DPP6: variants seen among roughly 807,000 people sequenced by gnomAD.
DPP6 encodes the protein dipeptidyl peptidase like 6, also known as A-type potassium channel modulatory protein DPP6.
Under a neutral mutation model 122.6 loss-of-function variants are expected in DPP6, and 69 were observed. The ratio of observed to expected loss-of-function variants is 0.56; its 90% confidence interval spans 0.46 to 0.69. The LOEUF (loss-of-function observed/expected upper bound fraction) is 0.69. Ranked by LOEUF, DPP6 falls within the 30% of genes least tolerant of loss-of-function variation. The pLI is 0.00. For missense variants in DPP6, 928 were observed against 1,116.9 expected (o/e 0.83, Z 2.41); for synonymous variants, 418 against 433.1 (o/e 0.97, Z 0.43).
At position 153,966,553 on chromosome 7, in the gene DPP6, GCTTTTTTTTTTTT is replaced by G. The variant is rs1342400003; in HGVS notation, c.51+78820_51+78832del. 5.6e-3 allele frequency among the ~76,000 whole-genome samples: 321 copies of G among 57,628 alleles called. 23 individuals carry two copies. Among genetic ancestry groups the G allele is most frequent in the Admixed American group, 0.013 (48 of 3,652 alleles). The allele number at this position is 57,628 out of a possible 152,430, so 37.8% of individuals were successfully genotyped here. On this transcript the variant is annotated intron_variant, in intron 1 of 25. Coordinates refer to the DPP6 transcript ENST00000404039. ...TAATTAAACGGTCTGTCCTGTGTTGGCTTTTTTTTTTTTTTTTTTTTTTTTTTTTTTTTTACTG... is the reference window on the plus strand; with the variant it reads ...TAATTAAACGGTCTGTCCTGTGTTGGTTTTTTTTTTTTTTTTTTTTTACTG...
chr7:154,676,870 T>C (rs1308974068), intron 7 of DPP6, among the ~76,000 whole-genome samples: 1 of 152,218 alleles, frequency 6.6e-6, no homozygotes, highest in Non-Finnish European at 1.5e-5. Context: ...CAACATGGCT[T>C]ACATCTCTGT....
At chr7:154,449,176 A>G (rs1820138558) in intron 2 of DPP6, among the ~76,000 whole-genome samples, 1 of 152,198 alleles carries the variant, frequency 6.6e-6, no homozygotes, top group Non-Finnish European at 1.5e-5. Flanking sequence ...GGTATCTAGT[A>G]AAGGTCTAGT....
chr7:154,198,902 AC>A (rs1330258195), intron 1 of DPP6, among the ~76,000 whole-genome samples: 5 of 152,094 alleles, frequency 3.3e-5, no homozygotes, highest in Non-Finnish European at 1.5e-5. Flanking sequence ...GTCCATCTGA[AC>A]CCACAGCCCC....
chr7:154,260,334 G>T (rs1386781293), intron 1 of DPP6, among the ~76,000 whole-genome samples: 1 of 152,202 alleles, frequency 6.6e-6, no homozygotes, highest in African/African-American at 2.4e-5. Flanking sequence ...AACAGGTAGT[G>T]GTTGGTTACA....
At chr7:154,608,824 C>T (rs1259956923) in intron 5 of DPP6, among the ~76,000 whole-genome samples, 1 of 152,202 alleles carries the variant, frequency 6.6e-6, no homozygotes, top group Non-Finnish European at 1.5e-5. Flanking sequence ...AACTACCCCT[C>T]CCTTCTGAAT....
intron 5 of DPP6, chr7:154,588,176 C>T: frequency 1.3e-6 from 2 of 1,510,508 alleles, no homozygotes; most frequent in South Asian, 1.3e-5. Flanking sequence ...TACTGCCTTC[C>T]CCATCCTATC....
rs55681006 is a variant in DPP6 at position 154,652,405 on chromosome 7, GTTTTT to G, written c.680+14543_680+14547del. On this transcript the variant is annotated intron_variant, in intron 6 of 25. Coordinates refer to ENST00000377770, the MANE Select transcript of DPP6 (RefSeq NM_130797.4). ...CTAATTCATTATCACTAAGTCTGTGGTTTTTTTTTTTTTTTGTGATCAATATACAC... is the reference window on the plus strand; with the variant it reads ...CTAATTCATTATCACTAAGTCTGTGGTTTTTTTTTTGTGATCAATATACAC... Among the ~76,000 whole-genome samples the G allele has an allele frequency of 3.4e-4, 49 of 143,116 alleles. 1 individual carries two copies. Among genetic ancestry groups the G allele is most frequent in the South Asian group, 1.3e-3 (6 of 4,542 alleles). 93.9% of individuals were successfully genotyped at this position (143,116 alleles called of 152,430 possible). A position where few individuals can be genotyped will look rare whatever the true frequency, so the allele number is the denominator to read the frequency against.
intron 7 of DPP6, among the ~76,000 whole-genome samples, chr7:154,707,582 T>C (rs1170942180): frequency 2.0e-5 from 3 of 152,184 alleles, no homozygotes; most frequent in African/African-American, 7.2e-5. Flanking sequence ...CCGAGGGTGT[T>C]TGTGGTGTTG....
chr7:154,443,346 G>GA (rs201269949), intron 1 of DPP6, among the ~76,000 whole-genome samples: 4,746 of 142,716 alleles, frequency 0.033, 177 homozygotes, highest in East Asian at 0.11. Context: ...TAGATTACAA[G>GA]AAAAAAAATG....
intron 23 of DPP6, among the ~76,000 whole-genome samples, chr7:154,888,399 C>T (rs1806339065): frequency 6.6e-6 from 1 of 152,164 alleles, no homozygotes; most frequent in Admixed American, 6.5e-5. Context: ...CGAGAGTGAG[C>T]TCTTGACTGA....
chr7:153,907,357 A>G (rs1007058097), intron 1 of DPP6, among the ~76,000 whole-genome samples: 4 of 152,188 alleles, frequency 2.6e-5, no homozygotes, highest in South Asian at 2.1e-4. Flanking sequence ...TTGGATGCCA[A>G]ATATAAAGAG....
intron 1 of DPP6, among the ~76,000 whole-genome samples, chr7:154,346,061 C>T (rs1160721207): frequency 1.3e-5 from 2 of 152,072 alleles, no homozygotes; most frequent in Admixed American, 1.3e-4. Flanking sequence ...AGCCTTCCTC[C>T]CCACTTTCCA....
chr7:154,677,767 C>T (rs1202426991), intron 7 of DPP6, among the ~76,000 whole-genome samples: 1 of 152,210 alleles, frequency 6.6e-6, no homozygotes, highest in Non-Finnish European at 1.5e-5. Flanking sequence ...AGCCAGGAGC[C>T]AGCTGGGAGT....
the DPP6 span, among the ~76,000 whole-genome samples, chr7:153,814,681 T>C: frequency 2.6e-5 from 4 of 152,166 alleles, no homozygotes; most frequent in Non-Finnish European, 5.9e-5. Flanking sequence ...ACCAATATCC[T>C]TGATGAACAT....
chr7:154,024,482 C>G (rs896941750), intron 1 of DPP6, among the ~76,000 whole-genome samples: 2 of 151,452 alleles, frequency 1.3e-5, no homozygotes, highest in African/African-American at 4.9e-5. Flanking sequence ...CACTTCTTTT[C>G]AAATGTAGGA....
At chr7:154,117,539 CTT>C (rs1346565885) in intron 1 of DPP6, among the ~76,000 whole-genome samples, 2 of 152,192 alleles carry the variant, frequency 1.3e-5, no homozygotes, top group Non-Finnish European at 2.9e-5. Flanking sequence ...ATGCAGATTT[CTT>C]TCTCTCCCCA....
At chr7:154,253,291 T>C (rs1460730764) in intron 1 of DPP6, among the ~76,000 whole-genome samples, 1 of 152,178 alleles carries the variant, frequency 6.6e-6, no homozygotes, top group African/African-American at 2.4e-5. Context: ...CTTCACACCT[T>C]CCCTGGTAGG....
chr7:153,779,800 G>T, the DPP6 span, among the ~76,000 whole-genome samples: 1 of 138,464 alleles, frequency 7.2e-6, no homozygotes, highest in African/African-American at 2.7e-5. Flanking sequence ...AAGAACATTA[G>T]TGAAACAGCT....
chr7:154,074,080 GAGAT>G (rs1279513653), intron 1 of DPP6, among the ~76,000 whole-genome samples: 13 of 109,276 alleles, frequency 1.2e-4, no homozygotes, highest in Admixed American at 1.9e-4. Context: ...CATATAGAGA[GAGAT>G]ATATAGAGAT....
Sources: gnomAD v4.1 joint callset for allele counts (sites outside exome capture counted in the v4.1 genomes callset) on GRCh38, gnomAD v4.1.1 for gene constraint, MANE v1.5 for transcripts, NCBI Gene and HGNC (gene_info 2026-07-23, HGNC 2026-07-21) for gene names.